FNIP1: variants seen among roughly 807,000 people sequenced by gnomAD.
FNIP1 encodes the protein folliculin interacting protein 1, also known as folliculin-interacting protein 1.
In FNIP1, 40 loss-of-function variants were observed where a neutral mutation model predicts 124.5. The observed-to-expected ratio is 0.32, with a 90% confidence interval of 0.25 to 0.42. FNIP1 has a LOEUF of 0.42. Among genes scored for constraint, FNIP1 ranks in the 10% least tolerant of loss-of-function variants. The pLI, the probability that FNIP1 is intolerant of heterozygous loss-of-function variation, is 1.00. For synonymous variants in FNIP1, 472 were observed against 470.6 expected (o/e 1.00, Z -0.04); for missense variants, 1,176 against 1,403.7 (o/e 0.84, Z 2.59).
intron 1 of FNIP1, among the ~76,000 whole-genome samples, chr5:131,789,616 C>T (rs1336277691): frequency 6.6e-6 from 1 of 152,186 alleles, no homozygotes; most frequent in Admixed American, 6.5e-5. Flanking sequence ...TCAAGGTCAC[C>T]AATTTCCTCC....
chr5:131,769,113 A>C (rs1032999285), intron 1 of FNIP1, among the ~76,000 whole-genome samples: 1 of 152,198 alleles, frequency 6.6e-6, no homozygotes, highest in Non-Finnish European at 1.5e-5. Context: ...TCTGCAGTGA[A>C]GGTTCCCATG....
chr5:131,730,971 C>T lies in FNIP1; in HGVS notation c.287G>A (p.Ser96Asn). 6.2e-7 allele frequency: 1 copy of T among 1,613,000 alleles called. No individual in the cohort carries two copies. Among genetic ancestry groups the T allele is most frequent in the Non-Finnish European group, 8.5e-7 (1 of 1,179,246 alleles). Residue 96 changes from serine (S) to asparagine (N), a missense_variant, in exon 3 of 18, where the codon AGT becomes AAT. Physicochemically the swap from Ser to Asn is conservative, Grantham distance 46. Coordinates refer to ENST00000510461, the MANE Select transcript of FNIP1 (RefSeq NM_133372.3). Reference sequence around the variant, plus strand: ...CACAGAACTATCTAAAGAGGAAGAACTGTCTCCTCCAGGTTTCAGTTGGCA... The same window carrying T: ...CACAGAACTATCTAAAGAGGAAGAATTGTCTCCTCCAGGTTTCAGTTGGCA... ...KCCQLKPGGD[S>N]SSSLDSSVTS...
At chr5:131,647,457 G>T (rs1174565090) in intron 16 of FNIP1, among the ~76,000 whole-genome samples, 5 of 144,594 alleles carry the variant, frequency 3.5e-5, no homozygotes, top group African/African-American at 1.3e-4. Context: ...CATACAATTT[G>T]CCCTTTTAAC....
chr5:131,734,542 A>C (rs1204039286), intron 2 of FNIP1, among the ~76,000 whole-genome samples: 4 of 152,180 alleles, frequency 2.6e-5, no homozygotes, highest in African/African-American at 9.7e-5. Context: ...AATGGGAGAA[A>C]ATTTTTGCAA....
intron 15 of FNIP1, among the ~76,000 whole-genome samples, chr5:131,668,944 C>T (rs1767676852): frequency 1.3e-5 from 2 of 152,202 alleles, no homozygotes; most frequent in African/African-American, 4.8e-5. Context: ...CACGAATGAA[C>T]TTCTCTTTGG....
chr5:131,672,803 T>C lies in FNIP1; in HGVS notation c.1641A>G (p.Glu547=). The C allele has an allele frequency of 6.2e-7, 1 of 1,613,654 alleles. No individual in the cohort carries two copies. The highest frequency in any genetic ancestry group is 8.5e-7 in the Non-Finnish European group (1 of 1,179,902). The change falls in exon 14 of 18, where the codon GAA becomes GAG. Residue 547 remains glutamate (E), a synonymous_variant. Coordinates refer to ENST00000510461, the MANE Select transcript of FNIP1 (RefSeq NM_133372.3). ...TTTCTAAAAGATGCGTTTCTTGAAG[T>C]TCAGAGCATCTTATAAAATAAGTAA... The part of the protein sequence containing the change: ...YFLTYFIRCS[E]LQETHLLENG...
intron 17 of FNIP1, among the ~76,000 whole-genome samples, chr5:131,645,657 C>A (rs1340882755): frequency 1.3e-5 from 2 of 152,176 alleles, no homozygotes; most frequent in African/African-American, 4.8e-5. Flanking sequence ...TCTATCAATA[C>A]AGGCCCTTTA....
intron 15 of FNIP1, among the ~76,000 whole-genome samples, chr5:131,662,359 T>C (rs1286675802): frequency 1.3e-5 from 2 of 152,208 alleles, no homozygotes; most frequent in African/African-American, 4.8e-5. Context: ...GCTTCTTAGA[T>C]TGTGTCACTA....
At chr5:131,762,753 C>T (rs932124243) in intron 1 of FNIP1, among the ~76,000 whole-genome samples, 1 of 151,904 alleles carries the variant, frequency 6.6e-6, no homozygotes, top group Non-Finnish European at 1.5e-5. Flanking sequence ...AAGCATATAC[C>T]CAAAAGAAAG....
Position 131,644,431 on chromosome 5 carries a change from CT to C in FNIP1, c.*253del. 3.2e-6 allele frequency: 1 copy of C among 314,234 alleles called. No individual in the cohort carries two copies. The highest frequency in any genetic ancestry group is 5.9e-6 in the Non-Finnish European group (1 of 168,940). 19.5% of individuals were successfully genotyped at this position (314,234 alleles called of 1,614,324 possible). ...TAGAAATTTCTACCGTACACTTTGGCTTTTTCAAATGCTTCAAAATTATTGT... is the reference window on the plus strand; with the variant it reads ...TAGAAATTTCTACCGTACACTTTGGCTTTTCAAATGCTTCAAAATTATTGT... On this transcript the variant is annotated 3_prime_UTR_variant, in exon 18 of 18. Coordinates refer to ENST00000510461, the MANE Select transcript of FNIP1 (RefSeq NM_133372.3).
intron 5 of FNIP1, among the ~76,000 whole-genome samples, chr5:131,716,915 T>C (rs2149540703): frequency 1.3e-5 from 2 of 152,216 alleles, no homozygotes; most frequent in Admixed American, 1.3e-4. Flanking sequence ...TATGAATGCT[T>C]TGATGCTGCA....
chr5:131,703,925 AT>A (rs1561664305), intron 10 of FNIP1, 139 bp downstream of exon 10: 1 of 633,386 alleles, frequency 1.6e-6, no homozygotes, highest in Admixed American at 3.2e-5. Context: ...AAAGGGTTCA[AT>A]CTATTTGCAT....
At position 131,794,273 on chromosome 5, in the gene FNIP1, T is replaced by G. The variant is rs369644024; in HGVS notation, c.92+2557A>C. Among the ~76,000 whole-genome samples, 623 of 151,100 alleles carry G rather than the reference T, an allele frequency of 4.1e-3. 6 individuals carry two copies. Among genetic ancestry groups the G allele is most frequent in the South Asian group, 0.018 (88 of 4,804 alleles). ...AAAAAAAGTAAATTTCATATTTTTT[T>G]TACAATAAAAATTTTTAATTAAAAA... On this transcript the variant is annotated intron_variant, in intron 1 of 17. Coordinates refer to ENST00000510461, the MANE Select transcript of FNIP1 (RefSeq NM_133372.3).
At chr5:131,665,398 A>C (rs888221860) in intron 15 of FNIP1, among the ~76,000 whole-genome samples, 3 of 152,042 alleles carry the variant, frequency 2.0e-5, no homozygotes, top group East Asian at 1.9e-4. Context: ...TACTTTATTA[A>C]AAATCAGGGA....
At chr5:131,785,902 T>C (rs1561708426) in intron 1 of FNIP1, among the ~76,000 whole-genome samples, 1 of 152,218 alleles carries the variant, frequency 6.6e-6, no homozygotes, top group Non-Finnish European at 1.5e-5. Context: ...TTTACAAATG[T>C]GCAGTTTGTG....
At chr5:131,744,194 CTT>C (rs1422816855) in intron 2 of FNIP1, among the ~76,000 whole-genome samples, 1 of 150,846 alleles carries the variant, frequency 6.6e-6, no homozygotes, top group Admixed American at 6.6e-5. Context: ...AAAAAAAAAA[CTT>C]CAATAAATGT....
At chr5:131,719,564 TTTC>T (rs1769587206) in intron 3 of FNIP1, 147 bp from the exon 4 acceptor site, 2 of 625,222 alleles carry the variant, frequency 3.2e-6, no homozygotes, top group South Asian at 6.2e-5. Flanking sequence ...GCAACTCGAT[TTTC>T]TTCCTTTTAA....
chr5:131,725,384 G>A (rs1375684283), intron 3 of FNIP1, among the ~76,000 whole-genome samples: 1 of 152,144 alleles, frequency 6.6e-6, no homozygotes, highest in Non-Finnish European at 1.5e-5. Context: ...CTTGAGCAGT[G>A]GTTTGTAGTT....
At chr5:131,705,561 G>C (rs1354910279) in intron 9 of FNIP1, among the ~76,000 whole-genome samples, 1 of 152,156 alleles carries the variant, frequency 6.6e-6, no homozygotes, top group African/African-American at 2.4e-5. Flanking sequence ...GACTCATTAA[G>C]ATGGCTATTA....
Sources: gnomAD v4.1 joint callset for allele counts (sites outside exome capture counted in the v4.1 genomes callset) on GRCh38, gnomAD v4.1.1 for gene constraint, MANE v1.5 for transcripts, NCBI Gene and HGNC (gene_info 2026-07-23, HGNC 2026-07-21) for gene names.